The following COMMD1 variants were observed in gnomAD, a reference collection of about 807,000 sequenced individuals.
COMMD1 encodes the protein COMM domain-containing protein 1.
A neutral mutation model predicts 17.2 loss-of-function variants in COMMD1; 10 were observed. That is an observed-to-expected ratio of 0.58 (90% CI 0.36 to 0.99). The LOEUF is 0.99. COMMD1 is among the 50% of genes least tolerant of loss of function. The pLI, the probability that COMMD1 is intolerant of heterozygous loss-of-function variation, is 0.01. For synonymous variants in COMMD1, 97 were observed against 91.6 expected (o/e 1.06, Z -0.34); for missense variants, 270 against 231.8 (o/e 1.17, Z -1.07).
At chr2:62,093,236 A>C (rs906703712) in intron 2 of COMMD1, among the ~76,000 whole-genome samples, 6 of 152,226 alleles carry the variant, frequency 3.9e-5, no homozygotes, top group African/African-American at 1.4e-4. Context: ...GATAAACTCC[A>C]ACTGCCATAC....
At chr2:61,982,658 T>C (rs990123468) in intron 1 of COMMD1, among the ~76,000 whole-genome samples, 1 of 152,206 alleles carries the variant, frequency 6.6e-6, no homozygotes. Context: ...GTATGTTCTT[T>C]CTATCCTGTT....
chr2:62,106,372 T>C (rs981517001), intron 2 of COMMD1, among the ~76,000 whole-genome samples: 2 of 152,268 alleles, frequency 1.3e-5, no homozygotes, highest in African/African-American at 4.8e-5. Flanking sequence ...TCAGGGTAGC[T>C]TTATTTTCTG....
intron 1 of COMMD1, among the ~76,000 whole-genome samples, chr2:61,949,682 G>T (rs1671000942): frequency 6.6e-6 from 1 of 152,184 alleles, no homozygotes; most frequent in African/African-American, 2.4e-5. Context: ...AATGATGTTT[G>T]TGAAAACTTG....
chr2:61,971,849 G>A (rs564690914), intron 1 of COMMD1, among the ~76,000 whole-genome samples: 6 of 152,058 alleles, frequency 3.9e-5, no homozygotes, highest in Non-Finnish European at 5.9e-5. Flanking sequence ...GGCCAGGAGC[G>A]GTGGCTCATG....
chr2:61,995,146 G>C (rs991633865), intron 1 of COMMD1, among the ~76,000 whole-genome samples: 6 of 151,902 alleles, frequency 3.9e-5, no homozygotes, highest in African/African-American at 9.7e-5. Context: ...GGGTTTTGCT[G>C]TGTTTTCCAG....
intron 2 of COMMD1, among the ~76,000 whole-genome samples, chr2:62,037,835 T>A (rs1670080612): frequency 6.6e-6 from 1 of 152,234 alleles, no homozygotes; most frequent in Non-Finnish European, 1.5e-5. Context: ...AGTAGAAAGA[T>A]CTAGGAGTTA....
intron 2 of COMMD1, among the ~76,000 whole-genome samples, chr2:62,091,982 A>G (rs1038132418): frequency 1.3e-5 from 2 of 152,212 alleles, no homozygotes. Context: ...GTGCTGTTCC[A>G]TATAACACTC....
rs1332695175 is a variant in COMMD1 at position 61,990,901 on chromosome 2, T to TACACACACACAC, written c.181-9799_181-9798insCACACACACACA. On this transcript the variant is annotated intron_variant, in intron 1 of 2. Transcript: ENST00000311832. ...ACAAAAAAAAAAAAAAATATATATA[T>TACACACACACAC]ATACACACACACACACACACACACA... 1.6e-4 allele frequency among the ~76,000 whole-genome samples: 7 copies of TACACACACACAC among 42,740 alleles called. No individual in the cohort carries two copies. In the South Asian group the frequency reaches 3.0e-3, roughly 18 times the overall value. 28.0% of individuals were successfully genotyped at this position (42,740 alleles called of 152,430 possible).
chr2:62,060,068 C>T lies in COMMD1; in HGVS notation c.462+59086C>T, dbSNP rs181134413. ...CTTTTGCCTGGGGCGGTGGCTCATG[C>T]CTGTAATCCCAGCACTTTGGGAGGC... On this transcript the variant is annotated intron_variant, in intron 2 of 2. Transcript: ENST00000311832. Among the ~76,000 whole-genome samples the T allele has an allele frequency of 2.9e-3, 443 of 152,240 alleles. 1 individual carries two copies. Among genetic ancestry groups the T allele is most frequent in the Non-Finnish European group, 4.8e-3 (325 of 68,020 alleles).
At chr2:61,923,866 TCC>T (rs1176573351) in intron 1 of COMMD1, among the ~76,000 whole-genome samples, 1 of 152,162 alleles carries the variant, frequency 6.6e-6, no homozygotes, top group Admixed American at 6.6e-5. Flanking sequence ...AACTTCCTCC[TCC>T]CAGGCTGAAG....
chr2:61,971,228 G>T (rs1290588118), intron 1 of COMMD1, among the ~76,000 whole-genome samples: 2 of 152,232 alleles, frequency 1.3e-5, no homozygotes, highest in Admixed American at 6.5e-5. Context: ...GTTGCCGTGA[G>T]AGCACACCTG....
chr2:61,905,924 C>T lies in COMMD1; in HGVS notation c.180+66C>T. On this transcript the variant is annotated intron_variant, in intron 1 of 2. Transcript: ENST00000311832. ...CCTTGGCCGCTGGCTTCAGACTCTC[C>T]CCCCCTTGCCTTCCCCTGTCCTCAC... 4 of 1,506,150 alleles carry T rather than the reference C, an allele frequency of 2.7e-6. No homozygotes were observed. The South Asian group carries it at 3.4e-5, about 13-fold the overall frequency. The allele number at this position is 1,506,150 out of a possible 1,614,324, so 93.3% of individuals were successfully genotyped here. A position where few individuals can be genotyped will look rare whatever the true frequency, so the allele number is the denominator to read the frequency against.
chr2:61,930,322 C>T (rs916584560), intron 1 of COMMD1, among the ~76,000 whole-genome samples: 1 of 152,092 alleles, frequency 6.6e-6, no homozygotes, highest in African/African-American at 2.4e-5. Flanking sequence ...CTTTGGGAGG[C>T]CGAGGCAGGC....
At position 62,126,801 on chromosome 2, in the gene COMMD1, C is replaced by A. The variant is rs1219740588; in HGVS notation, c.463-9030C>A. On this transcript the variant is annotated intron_variant, in intron 2 of 2. Coordinates refer to ENST00000311832, the MANE Select transcript of COMMD1 (RefSeq NM_152516.4). ...TGAATGGGCAAAAGCTGGAAGCATT[C>A]CCCTTGAAAACCGGCATAAGACAGG... 3.9e-5 allele frequency among the ~76,000 whole-genome samples: 6 copies of A among 152,202 alleles called. No individual in the cohort carries two copies. The East Asian group carries it at 5.8e-4, about 15-fold the overall frequency.
intron 1 of COMMD1, among the ~76,000 whole-genome samples, chr2:61,983,872 C>T (rs1348157676): frequency 6.6e-6 from 1 of 152,090 alleles, no homozygotes; most frequent in Non-Finnish European, 1.5e-5. Context: ...CTTCTACTGA[C>T]TTTGGGTTTG....
chr2:61,889,854 G>A (rs965964290), intron 1 of COMMD1, among the ~76,000 whole-genome samples: 6 of 152,204 alleles, frequency 3.9e-5, no homozygotes, highest in Middle Eastern at 3.4e-3. Flanking sequence ...ATTTATTTCC[G>A]TTATCTGCTA....
chr2:61,900,771 C>T (rs2105163407), upstream of COMMD1, among the ~76,000 whole-genome samples: 1 of 152,112 alleles, frequency 6.6e-6, no homozygotes, highest in South Asian at 2.1e-4. Context: ...TATAGAAAGA[C>T]TTCTGAGGGA....
intron 2 of COMMD1, among the ~76,000 whole-genome samples, chr2:62,110,673 T>C (rs920107796): frequency 1.3e-5 from 2 of 152,152 alleles, no homozygotes; most frequent in Admixed American, 1.3e-4. Flanking sequence ...AGATGGCAAA[T>C]AGGTTTATCT....
intron 1 of COMMD1, among the ~76,000 whole-genome samples, chr2:61,994,955 A>G (rs1668714952): frequency 6.6e-6 from 1 of 152,164 alleles, no homozygotes; most frequent in African/African-American, 2.4e-5. Flanking sequence ...AGATAGGGGC[A>G]TAGCAAAGAA....
Sources: allele counts gnomAD v4.1 joint callset (sites outside exome capture counted in the v4.1 genomes callset), GRCh38; gene constraint gnomAD v4.1.1; transcripts MANE v1.5; gene names NCBI Gene and HGNC (gene_info 2026-07-23, HGNC 2026-07-21).